AKR1D1: variants seen among roughly 807,000 people sequenced by gnomAD.
The protein encoded by AKR1D1 is delta(4)-3-ketosteroid 5-beta-reductase.
In AKR1D1, 32 loss-of-function variants were observed where a neutral mutation model predicts 42.6. The observed-to-expected ratio is 0.75, with a 90% CI of 0.57 to 1.01. The LOEUF is 1.01. Among genes scored for constraint, AKR1D1 ranks in the 50% least tolerant of loss-of-function variants. The pLI is 0.00. For missense variants in AKR1D1, 364 were observed against 402.2 expected (o/e 0.91, Z 0.81); for synonymous variants, 123 against 135.5 (o/e 0.91, Z 0.64).
At chr7:138,113,904 A>C (rs1282463015) in intron 8 of AKR1D1, 132 bp downstream of exon 8, 13 of 781,156 alleles carry the variant, frequency 1.7e-5, no homozygotes, top group Non-Finnish European at 2.4e-5. Context: ...GCATATTCTG[A>C]ATGTTAACAT....
At chr7:138,093,571 G>A (rs1408162267) in intron 3 of AKR1D1, among the ~76,000 whole-genome samples, 9 of 152,112 alleles carry the variant, frequency 5.9e-5, no homozygotes, top group Middle Eastern at 3.4e-3. Flanking sequence ...AGGTTCTTCC[G>A]GAGCAATAAC....
chr7:138,076,721 T>A, intron 1 of AKR1D1, 110 bp downstream of exon 1: 2 of 893,810 alleles, frequency 2.2e-6, no homozygotes, highest in Non-Finnish European at 3.6e-6. Context: ...CTTTTTGTAG[T>A]AATGGAAGCA....
At chr7:138,096,680 A>G (rs1218440287) in intron 3 of AKR1D1, among the ~76,000 whole-genome samples, 3 of 152,186 alleles carry the variant, frequency 2.0e-5, no homozygotes, top group African/African-American at 7.2e-5. Context: ...CTCTTTCAAT[A>G]CAGTTGACTA....
intron 1 of AKR1D1, among the ~76,000 whole-genome samples, chr7:138,077,680 A>C (rs574741784): frequency 6.6e-6 from 1 of 152,336 alleles, no homozygotes; most frequent in South Asian, 2.1e-4. Context: ...AAATAGTGAC[A>C]TGTGTAGAAA....
chr7:138,105,599 C>T (rs1042789408), intron 5 of AKR1D1, among the ~76,000 whole-genome samples, 170 bp downstream of exon 5: 4 of 152,142 alleles, frequency 2.6e-5, no homozygotes, highest in African/African-American at 9.7e-5. Context: ...CTTTAAAAAA[C>T]GGACTTGGGG....
At chr7:138,112,425 T>C (rs1206056364) in intron 7 of AKR1D1, among the ~76,000 whole-genome samples, 1 of 152,146 alleles carries the variant, frequency 6.6e-6, no homozygotes, top group Non-Finnish European at 1.5e-5. Flanking sequence ...ATCTACACAA[T>C]GAATACCATG....
intron 1 of AKR1D1, among the ~76,000 whole-genome samples, chr7:138,085,488 A>C (rs1374933452): frequency 7.3e-6 from 1 of 137,698 alleles, no homozygotes; most frequent in African/African-American, 2.8e-5. Flanking sequence ...TCTGTCACTC[A>C]GGCTGGAGTG....
intron 3 of AKR1D1, among the ~76,000 whole-genome samples, chr7:138,093,557 C>T (rs1300976455): frequency 2.0e-5 from 3 of 152,122 alleles, no homozygotes; most frequent in Admixed American, 1.3e-4. Flanking sequence ...TCTCGTCCCA[C>T]TGGAGGTTCT....
At chr7:138,102,018 C>T (rs1441043390) in intron 4 of AKR1D1, among the ~76,000 whole-genome samples, 1 of 151,926 alleles carries the variant, frequency 6.6e-6, no homozygotes, top group Non-Finnish European at 1.5e-5. Flanking sequence ...CGAGACCAGC[C>T]TGGGCAACAT....
intron 4 of AKR1D1, among the ~76,000 whole-genome samples, chr7:138,101,191 C>CCTTCCTTCCTT (rs1365842554): frequency 7.8e-4 from 16 of 20,592 alleles, no homozygotes; most frequent in African/African-American, 1.8e-3. Context: ...CTCCCTCCCT[C>CCTTCCTTCCTT]CCTTCCTTCC....
At chr7:138,096,881 C>A (rs2117443782) in intron 3 of AKR1D1, among the ~76,000 whole-genome samples, 1 of 152,272 alleles carries the variant, frequency 6.6e-6, no homozygotes, top group Middle Eastern at 3.4e-3. Flanking sequence ...GATTTAATAC[C>A]ATTTTACATG....
intron 4 of AKR1D1, among the ~76,000 whole-genome samples, chr7:138,100,844 A>G (rs1364542118): frequency 6.6e-6 from 1 of 151,020 alleles, no homozygotes; most frequent in Non-Finnish European, 1.5e-5. Flanking sequence ...AGCTGGGACT[A>G]TAGGTGCCCG....
intron 7 of AKR1D1, among the ~76,000 whole-genome samples, chr7:138,111,826 GA>G (rs1216950346): frequency 1.3e-5 from 2 of 152,108 alleles, no homozygotes; most frequent in African/African-American, 4.8e-5. Flanking sequence ...AAGAAACAGT[GA>G]ATCAGTGTTG....
In AKR1D1 at chr7:138,113,743, T is replaced by TA; in HGVS notation, c.914dup (p.Asn305LysfsTer15). ...AAATGAAGGACATTGAAGCCTTGAA[T>TA]AAAAATGTCCGCTTTGTAGAATTGC... is the stretch of plus-strand genomic sequence containing the variant. On this transcript the variant is annotated frameshift_variant, in exon 8 of 9. Coordinates refer to ENST00000242375, the MANE Select transcript of AKR1D1 (RefSeq NM_005989.4). LOFTEE classifies it high-confidence loss of function. The TA allele has an allele frequency of 6.2e-7, 1 of 1,614,162 alleles. No individual in the cohort carries two copies. Among genetic ancestry groups the TA allele is most frequent in the Non-Finnish European group, 8.5e-7 (1 of 1,179,990 alleles).
At chr7:138,090,851 G>C (rs1794061418) in intron 2 of AKR1D1, among the ~76,000 whole-genome samples, 1 of 152,116 alleles carries the variant, frequency 6.6e-6, no homozygotes, top group Non-Finnish European at 1.5e-5. Flanking sequence ...CTTAGCGAAA[G>C]AGTAATTTAA....
At chr7:138,107,998 T>A (rs1794467576) in intron 7 of AKR1D1, among the ~76,000 whole-genome samples, 1 of 152,128 alleles carries the variant, frequency 6.6e-6, no homozygotes, top group Non-Finnish European at 1.5e-5. Flanking sequence ...CCCTTATCTA[T>A]TGACCCTTGA....
intron 3 of AKR1D1, among the ~76,000 whole-genome samples, chr7:138,092,427 A>G (rs1156931121): frequency 6.6e-6 from 1 of 152,208 alleles, no homozygotes; most frequent in Non-Finnish European, 1.5e-5. Context: ...CCAGTGTACA[A>G]TTATGTGTTG....
intron 3 of AKR1D1, among the ~76,000 whole-genome samples, chr7:138,095,005 G>T (rs1444351831): frequency 6.6e-6 from 1 of 152,160 alleles, no homozygotes; most frequent in Non-Finnish European, 1.5e-5. Flanking sequence ...TTTTTAAAGG[G>T]TTGGGTTATT....
intron 1 of AKR1D1, among the ~76,000 whole-genome samples, chr7:138,080,851 C>T (rs1025228404): frequency 6.6e-6 from 1 of 152,144 alleles, no homozygotes; most frequent in East Asian, 1.9e-4. Context: ...AACTCCTAGG[C>T]TCAAGCAATC....
Sources: allele counts gnomAD v4.1 joint callset (sites outside exome capture counted in the v4.1 genomes callset), GRCh38; gene constraint gnomAD v4.1.1; transcripts MANE v1.5; gene names NCBI Gene and HGNC (gene_info 2026-07-23, HGNC 2026-07-21).